PXDC1: variants seen among roughly 807,000 people sequenced by gnomAD.
PXDC1 encodes the protein PX domain containing 1, also known as PX domain-containing protein 1.
PXDC1 carries 13 observed loss-of-function variants against 24.4 expected under a neutral mutation model. That is an observed-to-expected ratio of 0.53 (90% CI 0.35 to 0.85). The LOEUF is 0.85. Among genes scored for constraint, PXDC1 ranks in the 40% least tolerant of loss-of-function variants. PXDC1 has a pLI of 0.01. For synonymous variants in PXDC1, 162 were observed against 124.9 expected (o/e 1.30, Z -1.98); for missense variants, 344 against 309.3 (o/e 1.11, Z -0.84).
rs1411305380 is a variant in PXDC1 at position 3,751,696 on chromosome 6, G to GGCGGC, written c.-170_-166dup. The stretch of plus-strand genomic sequence containing the variant: ...GTATGGCCCGCGTTCGGGGCAGCGG[G>GGCGGC]GCGGCGCGGCGGCGAGTGGCTCGGG... On this transcript the variant is annotated 5_prime_UTR_variant, in exon 1 of 5. Coordinates refer to ENST00000380283, the MANE Select transcript of PXDC1 (RefSeq NM_183373.4). The GGCGGC allele has an allele frequency of 9.5e-7, 1 of 1,047,224 alleles. No individual in the cohort carries two copies. The highest frequency in any genetic ancestry group is 4.5e-5 in the Admixed American group (1 of 22,166). 64.9% of individuals were successfully genotyped at this position (1,047,224 alleles called of 1,614,324 possible).
chr6:3,751,516 A>G lies in PXDC1; in HGVS notation c.16T>C (p.Phe6Leu), dbSNP rs1158863073. ...ATGTTCACGAGCGACGTGCCCTCAA[A>G]CACCGCCGAGGCCATGTCGCACGCA... The part of the protein sequence containing the change: MASAV[F>L]EGTSLVNMFV... Residue 6 changes from phenylalanine to leucine, a missense_variant, in exon 1 of 5, where the codon TTT (phenylalanine) becomes CTT (leucine). Physicochemically the swap from Phe to Leu is conservative, Grantham distance 22. Transcript: ENST00000380283. 6.3e-7 allele frequency: 1 copy of G among 1,593,850 alleles called. No homozygotes were observed. The highest frequency in any genetic ancestry group is 8.5e-7 in the Non-Finnish European group (1 of 1,172,808).
chr6:3,742,861 C>T (rs952687995), intron 1 of PXDC1, among the ~76,000 whole-genome samples: 1 of 152,204 alleles, frequency 6.6e-6, no homozygotes, highest in African/African-American at 2.4e-5. Context: ...AGGGGGCTGC[C>T]AGCGTCACTT....
In PXDC1 at chr6:3,744,651, G is replaced by A. The variant is rs116279628; in HGVS notation, c.257-6503C>T. ...GGACAAGGAGGCAACGGCTTCCCAC[G>A]GAGGTTCTGGCTACAAGAACTCTGT... On this transcript the variant is annotated intron_variant, in intron 1 of 4. Transcript: ENST00000380283. Among the ~76,000 whole-genome samples, 546 of 152,308 alleles carry A rather than the reference G, an allele frequency of 3.6e-3. 1 individual carries two copies. The highest frequency in any genetic ancestry group is 6.0e-3 in the Non-Finnish European group (411 of 68,030).
intron 3 of PXDC1, among the ~76,000 whole-genome samples, chr6:3,732,705 C>T (rs530722982): frequency 2.6e-5 from 4 of 152,316 alleles, no homozygotes; most frequent in African/African-American, 9.6e-5. Flanking sequence ...ACAGTCGCCG[C>T]GCCTGCTAGC....
At chr6:3,749,212 C>T (rs1760641817) in intron 1 of PXDC1, among the ~76,000 whole-genome samples, 1 of 149,506 alleles carries the variant, frequency 6.7e-6, no homozygotes, top group Non-Finnish European at 1.5e-5. Flanking sequence ...CCAGGGTGTG[C>T]CAGACTGTCC....
intron 1 of PXDC1, among the ~76,000 whole-genome samples, chr6:3,746,082 C>T (rs1333846553): frequency 6.6e-6 from 1 of 152,190 alleles, no homozygotes; most frequent in Non-Finnish European, 1.5e-5. Flanking sequence ...GAGCTGAGTC[C>T]CTGGCCTGTT....
At chr6:3,748,194 G>C (rs574315377) in intron 1 of PXDC1, among the ~76,000 whole-genome samples, 72 of 152,264 alleles carry the variant, frequency 4.7e-4, no homozygotes, top group Admixed American at 1.3e-3. Flanking sequence ...TGAAAGACTT[G>C]GGCCCACTGG....
rs1759979496 is a variant in PXDC1, at chr6:3,723,239, G to A, written c.*380C>T. 5.0e-6 allele frequency: 1 copy of A among 201,042 alleles called. No individual in the cohort carries two copies. 12.5% of individuals were successfully genotyped at this position (201,042 alleles called of 1,614,324 possible). A position where few individuals can be genotyped will look rare whatever the true frequency, so the allele number is the denominator to read the frequency against. ...GAATGGTGGGGAGTCAGGGTGGCTG[G>A]GGGGCACTAGGCCACTTCACCAAGA... On this transcript the variant is annotated 3_prime_UTR_variant, in exon 5 of 5. Transcript: ENST00000380283.
chr6:3,734,556 G>A (rs775609428), intron 3 of PXDC1, among the ~76,000 whole-genome samples: 4 of 152,088 alleles, frequency 2.6e-5, no homozygotes, highest in Non-Finnish European at 4.4e-5. Flanking sequence ...CTGAGATGAG[G>A]ATCCATAGAC....
Position 3,737,941 on chromosome 6 carries a change from G to A in PXDC1, c.348+116C>T, listed in dbSNP as rs1297416831. 14 of 872,416 alleles carry A rather than the reference G, an allele frequency of 1.6e-5. No individual in the cohort carries two copies. Among genetic ancestry groups the A allele is most frequent in the South Asian group, 7.7e-5 (5 of 65,232 alleles). 54.0% of individuals were successfully genotyped at this position (872,416 alleles called of 1,614,324 possible). A position where few individuals can be genotyped will look rare whatever the true frequency, so the allele number is the denominator to read the frequency against. On this transcript the variant is annotated intron_variant, in intron 2 of 4. Coordinates refer to ENST00000380283, the MANE Select transcript of PXDC1 (RefSeq NM_183373.4). This position sits in a 1 kb window ranked among gnomAD's most constrained non-coding sequence, Gnocchi z 5.5. The stretch of plus-strand genomic sequence containing the variant: ...GGTACTACCAGGGAGGGAACAAAAC[G>A]GCTAAGTGAGACAGAGCAAGCAAGT...
At chr6:3,732,676 G>A (rs748264764) in intron 3 of PXDC1, among the ~76,000 whole-genome samples, 5 of 152,220 alleles carry the variant, frequency 3.3e-5, no homozygotes, top group African/African-American at 9.7e-5. Context: ...TGTCCTCACC[G>A]TGGCCCCAGG....
intron 1 of PXDC1, among the ~76,000 whole-genome samples, chr6:3,749,546 A>G (rs1352088257): frequency 6.6e-6 from 1 of 150,722 alleles, no homozygotes; most frequent in Admixed American, 6.6e-5. Context: ...TGTGCAGGGC[A>G]CGCCCCTCCC....
chr6:3,747,085 G>A (rs1760587447), intron 1 of PXDC1, among the ~76,000 whole-genome samples: 1 of 152,066 alleles, frequency 6.6e-6, no homozygotes, highest in African/African-American at 2.4e-5. Context: ...GCCTTACTAA[G>A]AGAAAACGCT....
At position 3,728,264 on chromosome 6, in the gene PXDC1, A is replaced by G. The variant is rs897929888; in HGVS notation, c.467-602T>C. On this transcript the variant is annotated intron_variant, in intron 3 of 4. Transcript: ENST00000380283. This position sits in a 1 kb window ranked among gnomAD's most constrained non-coding sequence, Gnocchi z 4.0. ...CAAGCAGGGTACACTATACCCAGTA[A>G]GTAGTCTTTTATCCCTCACCCCACG... Among the ~76,000 whole-genome samples the G allele has an allele frequency of 4.6e-5, 7 of 152,168 alleles. No individual in the cohort carries two copies. The highest frequency in any genetic ancestry group is 4.6e-4 in the Admixed American group (7 of 15,282).
At chr6:3,745,074 T>C (rs565590977) in intron 1 of PXDC1, among the ~76,000 whole-genome samples, 1 of 152,346 alleles carries the variant, frequency 6.6e-6, no homozygotes, top group Admixed American at 6.5e-5. Flanking sequence ...CCAGCACCAA[T>C]TCTAGTTTCT....
At chr6:3,731,229 A>G (rs1162433240) in intron 3 of PXDC1, among the ~76,000 whole-genome samples, 1 of 152,216 alleles carries the variant, frequency 6.6e-6, no homozygotes, top group Non-Finnish European at 1.5e-5. Context: ...GAAATTGATG[A>G]GTCCAAACAG....
At chr6:3,749,632 C>T (rs1450754875) in intron 1 of PXDC1, among the ~76,000 whole-genome samples, 1 of 151,964 alleles carries the variant, frequency 6.6e-6, no homozygotes, top group African/African-American at 2.4e-5. Context: ...TCTGGCCCAA[C>T]CCCAGCCAGA....
chr6:3,726,758 TC>T (rs1156880600), intron 4 of PXDC1, among the ~76,000 whole-genome samples: 2 of 152,226 alleles, frequency 1.3e-5, no homozygotes, highest in Non-Finnish European at 1.5e-5. Context: ...GCTATGTCAT[TC>T]CTGGGCCCAC....
intron 1 of PXDC1, chr6:3,750,998 A>T (rs1760699677): frequency 2.4e-6 from 1 of 410,924 alleles, no homozygotes. Flanking sequence ...ACTCGTCCTC[A>T]GGGAGAGTCC....
Sources: gnomAD v4.1 joint callset for allele counts (sites outside exome capture counted in the v4.1 genomes callset) on GRCh38, gnomAD v4.1.1 for gene constraint, Gnocchi (gnomAD v3.1) non-coding constraint, MANE v1.5 for transcripts, NCBI Gene and HGNC (gene_info 2026-07-23, HGNC 2026-07-21) for gene names.